PTPRQ: variants seen among roughly 807,000 people sequenced by gnomAD.
The protein encoded by PTPRQ is protein tyrosine phosphatase receptor type Q, also known as phosphatidylinositol phosphatase PTPRQ.
A neutral mutation model predicts 246.0 loss-of-function variants in PTPRQ; 199 were observed. The ratio of observed to expected loss-of-function variants is 0.81; its 90% CI spans 0.72 to 0.91. The LOEUF is 0.91. PTPRQ is among the 40% of genes least tolerant of loss of function. The pLI is 0.00. For synonymous variants in PTPRQ, 869 were observed against 853.2 expected (o/e 1.02, Z -0.32); for missense variants, 2,624 against 2,528.4 (o/e 1.04, Z -0.81).
chr12:80,671,591 A>G (rs990557242), intron 42 of PTPRQ, among the ~76,000 whole-genome samples: 1 of 152,146 alleles, frequency 6.6e-6, no homozygotes, highest in Admixed American at 6.6e-5. Context: ...TTTGAAAACC[A>G]TCTACTAAAT....
At chr12:80,528,880 G>A (rs1358099685) in intron 17 of PTPRQ, among the ~76,000 whole-genome samples, 1 of 152,052 alleles carries the variant, frequency 6.6e-6, no homozygotes, top group East Asian at 1.9e-4. Context: ...CTCTTCAGTG[G>A]CTTTGTCCTT....
At chr12:80,588,780 C>G (rs1897700249) in intron 26 of PTPRQ, among the ~76,000 whole-genome samples, 1 of 152,138 alleles carries the variant, frequency 6.6e-6, no homozygotes, top group African/African-American at 2.4e-5. Flanking sequence ...TTGACCCAGG[C>G]CCACATTTTT....
chr12:80,479,023 G>T (rs1344132943), intron 8 of PTPRQ, among the ~76,000 whole-genome samples: 1 of 151,654 alleles, frequency 6.6e-6, no homozygotes, highest in East Asian at 1.9e-4. Context: ...GAAATACAGA[G>T]AACACCACAA....
chr12:80,616,106 TAC>T (rs2121117675), intron 29 of PTPRQ, 92 bp from the exon 30 acceptor site: 1 of 699,548 alleles, frequency 1.4e-6, no homozygotes, highest in Non-Finnish European at 1.9e-6. Context: ...ACTATATATA[TAC>T]ATACATATAT....
At chr12:80,538,529 A>C (rs1896055457) in intron 19 of PTPRQ, among the ~76,000 whole-genome samples, 1 of 152,196 alleles carries the variant, frequency 6.6e-6, no homozygotes, top group Non-Finnish European at 1.5e-5. Flanking sequence ...GAAGGTATTA[A>C]AGTTCATGGA....
chr12:80,610,137 A>G (rs910016326), intron 27 of PTPRQ, among the ~76,000 whole-genome samples: 1 of 150,602 alleles, frequency 6.6e-6, no homozygotes, highest in African/African-American at 2.4e-5. Context: ...CTTCTACAAA[A>G]TATTGGAGTC....
chr12:80,618,064 A>G (rs1397483093), intron 30 of PTPRQ, among the ~76,000 whole-genome samples: 1 of 151,372 alleles, frequency 6.6e-6, no homozygotes, highest in Non-Finnish European at 1.5e-5. Context: ...TTACACATCC[A>G]GTCTCATTTT....
Position 80,670,425 on chromosome 12 carries a change from A to G in PTPRQ, c.6535A>G (p.Ile2179Val), listed in dbSNP as rs1411697406. Residue 2179 changes from isoleucine (I) to valine (V), a missense_variant, in exon 42 of 45, where the codon ATT (isoleucine) becomes GTT (valine). By Grantham distance (29) the Ile-to-Val change is conservative (BLOSUM62 3). Coordinates refer to ENST00000644991, the MANE Select transcript of PTPRQ (RefSeq NM_001145026.2). Reference sequence around the variant, plus strand: ...GGTTCCTGAGAACAGCGCCCCTCTAATTCACTTTGTGAAGTTGGTTCGAGC... The same window carrying G: ...GGTTCCTGAGAACAGCGCCCCTCTAGTTCACTTTGTGAAGTTGGTTCGAGC... ...HGVPENSAPLIHFVKLVRASR... is the reference protein window; with the variant it reads ...HGVPENSAPLVHFVKLVRASR... The G allele has an allele frequency of 1.3e-6, 2 of 1,551,200 alleles. No homozygotes were observed. Among genetic ancestry groups the G allele is most frequent in the Non-Finnish European group, 8.7e-7 (1 of 1,146,618 alleles).
intron 25 of PTPRQ, among the ~76,000 whole-genome samples, chr12:80,582,894 C>A (rs1013081330): frequency 1.3e-5 from 2 of 152,070 alleles, no homozygotes; most frequent in Non-Finnish European, 2.9e-5. Context: ...ACAAAAAAAA[C>A]TTTTCAAGTA....
intron 14 of PTPRQ, among the ~76,000 whole-genome samples, chr12:80,497,958 T>C (rs548298675): frequency 1.3e-5 from 2 of 152,138 alleles, no homozygotes; most frequent in East Asian, 1.9e-4. Context: ...CTTACTTTTG[T>C]AGAAAAGGAT....
chr12:80,636,171 A>C (rs1162786655), intron 35 of PTPRQ, among the ~76,000 whole-genome samples: 1 of 152,214 alleles, frequency 6.6e-6, no homozygotes, highest in African/African-American at 2.4e-5. Flanking sequence ...GACTTTTTAA[A>C]CATTCAGATG....
chr12:80,668,925 A>G (rs1900874160), intron 39 of PTPRQ, 82 bp from the exon 40 acceptor site: 2 of 1,397,664 alleles, frequency 1.4e-6, no homozygotes, highest in African/African-American at 2.9e-5. Flanking sequence ...TACAACCAGC[A>G]TATGTTTCAT....
intron 29 of PTPRQ, among the ~76,000 whole-genome samples, chr12:80,614,813 A>G (rs1393287483): frequency 6.6e-6 from 1 of 150,980 alleles, no homozygotes; most frequent in Non-Finnish European, 1.5e-5. Context: ...TAACTTCTTT[A>G]TAGGATATTT....
At chr12:80,666,981 C>T (rs1430376647) in intron 39 of PTPRQ, among the ~76,000 whole-genome samples, 1 of 152,000 alleles carries the variant, frequency 6.6e-6, no homozygotes, top group Non-Finnish European at 1.5e-5. Context: ...TATGGAAGCC[C>T]ACGTGAAACT....
intron 17 of PTPRQ, among the ~76,000 whole-genome samples, chr12:80,514,294 C>T (rs971780551): frequency 6.6e-6 from 1 of 151,064 alleles, no homozygotes; most frequent in Non-Finnish European, 1.5e-5. Flanking sequence ...TCTGTGGTCG[C>T]AAATAATCCA....
chr12:80,612,329 A>G (rs1033575494), intron 28 of PTPRQ, among the ~76,000 whole-genome samples: 11 of 150,464 alleles, frequency 7.3e-5, no homozygotes, highest in Admixed American at 6.7e-5. Context: ...AAAAAATCCA[A>G]TTAGAAAATT....
intron 17 of PTPRQ, among the ~76,000 whole-genome samples, chr12:80,511,131 G>A (rs756458587): frequency 7.2e-5 from 11 of 152,106 alleles, no homozygotes; most frequent in African/African-American, 2.2e-4. Flanking sequence ...ACAATACTTC[G>A]TAAAACATAG....
chr12:80,509,203 G>GA (rs991504639), intron 16 of PTPRQ, among the ~76,000 whole-genome samples: 1 of 151,952 alleles, frequency 6.6e-6, no homozygotes, highest in Non-Finnish European at 1.5e-5. Context: ...CTTATAACTT[G>GA]TCTCATAAAC....
chr12:80,446,502 G>T (rs1892558383), intron 3 of PTPRQ, among the ~76,000 whole-genome samples: 1 of 151,606 alleles, frequency 6.6e-6, no homozygotes, highest in Non-Finnish European at 1.5e-5. Context: ...ATTGTGTAAT[G>T]GTGGGGTTTG....
Sources: allele counts gnomAD v4.1 joint callset (sites outside exome capture counted in the v4.1 genomes callset), GRCh38; gene constraint gnomAD v4.1.1; transcripts MANE v1.5; gene names NCBI Gene and HGNC (gene_info 2026-07-23, HGNC 2026-07-21).